The following PCDHA3 variants were observed in gnomAD, a reference collection of about 807,000 sequenced individuals.
PCDHA3 encodes the protein protocadherin alpha 3.
PCDHA3 carries 41 observed loss-of-function variants against 62.2 expected under a neutral mutation model. The observed-to-expected ratio is 0.66, with a 90% confidence interval of 0.51 to 0.86. The LOEUF (loss-of-function observed/expected upper bound fraction) is 0.86, where lower values mean the gene tolerates loss of function less well. Among genes scored for constraint, PCDHA3 ranks in the 40% least tolerant of loss-of-function variants. PCDHA3 has a pLI of 0.00. For synonymous variants in PCDHA3, 640 were observed against 555.4 expected (o/e 1.15, Z -2.14); for missense variants, 1,304 against 1,241.2 (o/e 1.05, Z -0.76).
intron 1 of PCDHA3, chr5:140,928,995 C>T (rs1554206548): frequency 1.2e-6 from 2 of 1,613,798 alleles, no homozygotes; most frequent in Non-Finnish European, 1.7e-6. Flanking sequence ...GCTTACTTTT[C>T]TTCGTGTGTA....
chr5:140,834,516 G>C (rs1433865569), intron 1 of PCDHA3: 40 of 1,613,992 alleles, frequency 2.5e-5, no homozygotes, highest in Non-Finnish European at 3.4e-5. Flanking sequence ...TGGCAACTTC[G>C]TGGGCCGCAT....
Position 140,803,057 on chromosome 5 carries a change from C to A in PCDHA3, c.1860C>A (p.Ile620=). ...AGCCTGGGACCGGCGGTGCGCGCAT[C>A]CCGTTTCGCGTGGGGCTGTACACGG... ...ELQPGTGGAR[I]PFRVGLYTGE... Residue 620 remains isoleucine (I), a synonymous_variant, in exon 1 of 4, where the codon ATC becomes ATA. Coordinates refer to ENST00000522353, the MANE Select transcript of PCDHA3 (RefSeq NM_018906.3). The A allele has an allele frequency of 6.2e-7, 1 of 1,614,002 alleles. No homozygotes were observed. The highest frequency in any genetic ancestry group is 8.5e-7 in the Non-Finnish European group (1 of 1,179,952).
At chr5:140,805,259 G>A (rs1581671680) in intron 1 of PCDHA3, 3 of 1,289,660 alleles carry the variant, frequency 2.3e-6, no homozygotes, top group Non-Finnish European at 2.9e-6. Flanking sequence ...AAAATACCTG[G>A]TAAATGAAAA....
chr5:140,968,257 T>A (rs781932747), intron 1 of PCDHA3: 1 of 1,614,064 alleles, frequency 6.2e-7, no homozygotes, highest in Non-Finnish European at 8.5e-7. Flanking sequence ...CAGACCCAGA[T>A]GAAAAGGAGA....
At chr5:140,872,800 C>T (rs2053907687) in intron 1 of PCDHA3, among the ~76,000 whole-genome samples, 2 of 152,078 alleles carry the variant, frequency 1.3e-5, no homozygotes, top group African/African-American at 4.8e-5. Context: ...TGGCATTCTT[C>T]CATAAGTTTT....
At chr5:140,938,210 T>G (rs1355577102) in intron 1 of PCDHA3, among the ~76,000 whole-genome samples, 2 of 152,140 alleles carry the variant, frequency 1.3e-5, no homozygotes, top group East Asian at 3.8e-4. Flanking sequence ...CCTCCCAAAG[T>G]GCTGGGATTA....
chr5:140,809,525 A>G, intron 1 of PCDHA3: 1 of 1,614,066 alleles, frequency 6.2e-7, no homozygotes. Context: ...ACCTGACTCT[A>G]GGGACAGAGA....
intron 1 of PCDHA3, among the ~76,000 whole-genome samples, chr5:140,890,901 T>C (rs1583031993): frequency 6.6e-6 from 1 of 152,194 alleles, no homozygotes; most frequent in Admixed American, 6.5e-5. Flanking sequence ...TGTCTTTCCA[T>C]GTTAGAATAA....
intron 1 of PCDHA3, chr5:140,821,817 G>A: frequency 6.2e-7 from 1 of 1,613,974 alleles, no homozygotes; most frequent in African/African-American, 1.3e-5. Context: ...CCCGGCTCCT[G>A]CTGCTCTGGC....
At position 140,946,093 on chromosome 5, in the gene PCDHA3, T is replaced by A. The variant is rs1171535500; in HGVS notation, c.2395-32856T>A. Among the ~76,000 whole-genome samples, 4 of 151,584 alleles carry A rather than the reference T, an allele frequency of 2.6e-5. No homozygotes were observed. In the East Asian group the frequency reaches 7.7e-4, roughly 29 times the overall value. ...TGCAAACCACAGATCTGATAAGGAG[T>A]TAACATACCAAATATATAAGGAACT... is the stretch of plus-strand genomic sequence containing the variant. On this transcript the variant is annotated intron_variant, in intron 1 of 3. Transcript: ENST00000522353.
rs575141569 is a variant in PCDHA3, at chr5:140,917,876, CT to C, written c.2395-61063del. Among the ~76,000 whole-genome samples, 1,293 of 147,130 alleles carry C rather than the reference CT, an allele frequency of 8.8e-3. 5 individuals carry two copies. Among genetic ancestry groups the C allele is most frequent in the African/African-American group, 0.02 (816 of 40,244 alleles). ...TAGGATTGCTTTGACTATTTGGGCT[CT>C]TTTTTTTTTCCATATGAATGTTAGG... On this transcript the variant is annotated intron_variant, in intron 1 of 3. Coordinates refer to ENST00000522353, the MANE Select transcript of PCDHA3 (RefSeq NM_018906.3).
intron 1 of PCDHA3, chr5:140,807,560 G>A (rs1554124081): frequency 1.2e-6 from 2 of 1,614,182 alleles, no homozygotes; most frequent in South Asian, 1.1e-5. Flanking sequence ...GGAGGTGAGG[G>A]ACATTAACGA....
At chr5:140,875,445 C>A (rs2055496471) in intron 1 of PCDHA3, 1 of 1,582,278 alleles carries the variant, frequency 6.3e-7, no homozygotes, top group Middle Eastern at 1.7e-4. Context: ...AACTGATTGT[C>A]CCAACTCAGA....
chr5:140,916,165 G>A (rs567070534), intron 1 of PCDHA3, among the ~76,000 whole-genome samples: 1 of 152,224 alleles, frequency 6.6e-6, no homozygotes, highest in East Asian at 1.9e-4. Context: ...AATGCTGCCA[G>A]GCCTGGGACT....
In PCDHA3 at chr5:141,010,195, C is replaced by G. The variant is rs753472247; in HGVS notation, c.*258C>G. 6.4e-7 allele frequency: 1 copy of G among 1,552,256 alleles called. No homozygotes were observed. The highest frequency in any genetic ancestry group is 8.7e-7 in the Non-Finnish European group (1 of 1,147,132). Reference sequence around the variant, plus strand: ...TAAAAAGCAGACCCAAGTTTCCTTTCTCCTCCGCCGCAAAGGAGAGGCTTC... The same window carrying G: ...TAAAAAGCAGACCCAAGTTTCCTTTGTCCTCCGCCGCAAAGGAGAGGCTTC... On this transcript the variant is annotated 3_prime_UTR_variant, in exon 4 of 4. Coordinates refer to ENST00000522353, the MANE Select transcript of PCDHA3 (RefSeq NM_018906.3).
chr5:140,809,241 G>T lies in PCDHA3; in HGVS notation c.2394+5650G>T, dbSNP rs1241553010. 4 of 1,613,960 alleles carry T rather than the reference G, an allele frequency of 2.5e-6. No individual in the cohort carries two copies. In the African/African-American group the frequency reaches 5.3e-5, roughly 22 times the overall value. ...AAGGCCTCCTCACGGGCGTTGGTGG[G>T]CGCTGTGGGTCCCGATGCTGCGCTG... On this transcript the variant is annotated intron_variant, in intron 1 of 3. Coordinates refer to ENST00000522353, the MANE Select transcript of PCDHA3 (RefSeq NM_018906.3).
chr5:140,842,826 G>C (rs2150345442), intron 1 of PCDHA3: 2 of 1,593,690 alleles, frequency 1.3e-6, no homozygotes, highest in East Asian at 2.2e-5. Context: ...GTGGGCGAGC[G>C]CTCGCTGTCG....
At chr5:140,924,902 A>AAAAAAT (rs1554202311) in intron 1 of PCDHA3, among the ~76,000 whole-genome samples, 400 of 39,066 alleles carry the variant, frequency 0.01, 1 homozygote, top group Middle Eastern at 0.023. Flanking sequence ...CTCAAAAAAA[A>AAAAAAT]AAATAAAATA....
chr5:140,841,365 T>C (rs1238477201), intron 1 of PCDHA3: 13 of 1,613,134 alleles, frequency 8.1e-6, no homozygotes, highest in Non-Finnish European at 1.1e-5. Context: ...TGGCGACTAC[T>C]ACTCTTGCTT....
Sources: gnomAD v4.1 joint callset for allele counts (sites outside exome capture counted in the v4.1 genomes callset) on GRCh38, gnomAD v4.1.1 for gene constraint, MANE v1.5 for transcripts, NCBI Gene and HGNC (gene_info 2026-07-23, HGNC 2026-07-21) for gene names.